Variants in SPATC1 observed in about 807,000 individuals in gnomAD.
The protein encoded by SPATC1 is speriolin.
A neutral mutation model predicts 36.5 loss-of-function variants in SPATC1; 35 were observed. The observed-to-expected ratio is 0.96, with a 90% CI of 0.73 to 1.27. The LOEUF (loss-of-function observed/expected upper bound fraction) is 1.27. Among genes scored for constraint, SPATC1 ranks in the 50% most tolerant of loss-of-function variants. SPATC1 has a pLI of 0.00. For missense variants in SPATC1, 779 were observed against 796.0 expected, an observed-to-expected ratio of 0.98 and a Z score of 0.26; for synonymous variants, 361 against 353.6, an observed-to-expected ratio of 1.02 and a Z score of -0.24.
At chr8:144,043,648 T>G (rs1211915073) in intron 4 of SPATC1, among the ~76,000 whole-genome samples, 1 of 152,076 alleles carries the variant, frequency 6.6e-6, no homozygotes, top group African/African-American at 2.4e-5. Context: ...AGTGCTGGGA[T>G]TCCAGGTACG....
intron 1 of SPATC1, among the ~76,000 whole-genome samples, chr8:144,015,040 A>C (rs1348975403): frequency 1.3e-5 from 2 of 151,812 alleles, no homozygotes; most frequent in African/African-American, 2.4e-5. Flanking sequence ...TAAATATTTA[A>C]AATTTTTTTT....
chr8:144,040,577 C>T lies in SPATC1; in HGVS notation c.776C>T (p.Ser259Phe). The change falls in exon 3 of 5, where the codon TCC (serine) becomes TTC (phenylalanine). Residue 259 changes from serine (S) to phenylalanine (F), a missense_variant. Transcript: ENST00000377470. ...VPTATTKVPL[S>F]TEPPQSTQDP... ...CCCTCCACATCACTAGTCCCACTCT[C>T]CACTGAGCCCCCCCAGTCGACCCAG... 6.3e-7 allele frequency: 1 copy of T among 1,592,966 alleles called. No individual in the cohort carries two copies. The highest frequency in any genetic ancestry group is 8.5e-7 in the Non-Finnish European group (1 of 1,169,718).
intron 1 of SPATC1, among the ~76,000 whole-genome samples, chr8:144,021,045 CA>C (rs1325838820): frequency 0.99 from 12,811 of 12,902 alleles, 6,367 homozygotes; most frequent in Middle Eastern, 1. Context: ...TCAGGACTCT[CA>C]TTCCCTCAAG....
At chr8:144,028,014 A>G (rs1253223186) in intron 1 of SPATC1, among the ~76,000 whole-genome samples, 1 of 152,120 alleles carries the variant, frequency 6.6e-6, no homozygotes, top group African/African-American at 2.4e-5. Flanking sequence ...TTATTTTATC[A>G]ATTGAAACTC....
chr8:144,033,802 C>G (rs1834845163), intron 1 of SPATC1, among the ~76,000 whole-genome samples: 1 of 152,282 alleles, frequency 6.6e-6, no homozygotes, highest in African/African-American at 2.4e-5. Flanking sequence ...TGGCTTTTCT[C>G]AGTCCATGCT....
chr8:144,013,139 C>T (rs782056528), intron 1 of SPATC1, among the ~76,000 whole-genome samples: 9 of 152,266 alleles, frequency 5.9e-5, no homozygotes, highest in Admixed American at 1.3e-4. Context: ...TGCTCTAGAA[C>T]GGTCACAAGT....
intron 1 of SPATC1, 169 bp downstream of exon 1, chr8:144,012,895 G>A (rs1313709109): frequency 6.7e-6 from 5 of 747,398 alleles, no homozygotes; most frequent in East Asian, 2.7e-5. Flanking sequence ...TGTCCTGGAG[G>A]AGGCTGCATT....
At chr8:144,026,687 A>G (rs1834683935) in intron 1 of SPATC1, among the ~76,000 whole-genome samples, 1 of 151,806 alleles carries the variant, frequency 6.6e-6, no homozygotes, top group Non-Finnish European at 1.5e-5. Context: ...TTTGATTTGT[A>G]TTTCCTAATG....
chr8:144,025,109 CTCT>C (rs1196528113), intron 1 of SPATC1, among the ~76,000 whole-genome samples: 3 of 151,978 alleles, frequency 2.0e-5, no homozygotes, highest in Non-Finnish European at 2.9e-5. Flanking sequence ...CCTCAGGACC[CTCT>C]TCTTTGAGGA....
chr8:144,040,890 T>C lies in SPATC1; in HGVS notation c.1089T>C (p.His363=). The change falls in exon 3 of 5, where the codon CAT becomes CAC. Residue 363 remains histidine, a synonymous_variant. Coordinates refer to ENST00000377470, the MANE Select transcript of SPATC1 (RefSeq NM_198572.3). The part of the protein sequence containing the change: ...STTHIAQGAP[H]PPSRMHNSPT... The stretch of plus-strand genomic sequence containing the variant: ...CCCACATCGCCCAGGGTGCCCCCCA[T>C]CCCCCTTCCCGAATGCATAATTCCC... The C allele has an allele frequency of 6.9e-7, 1 of 1,447,794 alleles. No individual in the cohort carries two copies. Among genetic ancestry groups the C allele is most frequent in the Non-Finnish European group, 9.2e-7 (1 of 1,083,714 alleles). 89.7% of individuals were successfully genotyped at this position (1,447,794 alleles called of 1,614,324 possible).
In SPATC1 at chr8:144,046,123, G is replaced by T. The variant is rs1370613879; in HGVS notation, c.1447-504G>T. On this transcript the variant is annotated intron_variant, in intron 4 of 4. Coordinates refer to ENST00000377470, the MANE Select transcript of SPATC1 (RefSeq NM_198572.3). The surrounding 1 kb of genome is among the most constrained non-coding windows in gnomAD (Gnocchi z 6.6). ...GGGAGGAAAGGGAGTCCCCTAGGGGGTGTGCAGGCTAGAGGGTGCTGAGGA... is the reference window on the plus strand; with the variant it reads ...GGGAGGAAAGGGAGTCCCCTAGGGGTTGTGCAGGCTAGAGGGTGCTGAGGA... Among the ~76,000 whole-genome samples, 1 of 152,164 alleles carries T rather than the reference G, an allele frequency of 6.6e-6. No individual in the cohort carries two copies. Among genetic ancestry groups the T allele is most frequent in the African/African-American group, 2.4e-5 (1 of 41,430 alleles).
At chr8:144,026,494 ACT>A (rs1834680548) in intron 1 of SPATC1, among the ~76,000 whole-genome samples, 1 of 152,040 alleles carries the variant, frequency 6.6e-6, no homozygotes, top group Admixed American at 6.6e-5. Context: ...TCATATGGTA[ACT>A]CTATGTTCAA....
intron 1 of SPATC1, among the ~76,000 whole-genome samples, chr8:144,029,202 TAAAAAAAAAA>T (rs1165801794): frequency 0.025 from 700 of 28,158 alleles, 18 homozygotes; most frequent in African/African-American, 0.076. Flanking sequence ...ACCCCAGAAC[TAAAAAAAAAA>T]AAAAAAAAAA....
chr8:144,039,398 G>C (rs1462483281), intron 1 of SPATC1, among the ~76,000 whole-genome samples: 1 of 152,248 alleles, frequency 6.6e-6, no homozygotes, highest in Non-Finnish European at 1.5e-5. Context: ...GCCGGGCCAC[G>C]TGAGGCTCTG....
In SPATC1 at chr8:144,014,398, C is replaced by G. The variant is rs369217499; in HGVS notation, c.211+1672C>G. ...GAGAGGAGGAGGAGGAGAAGAAGAA[C>G]AAGAAGAAGAAGGAGGAGGAGGAGA... On this transcript the variant is annotated intron_variant, in intron 1 of 4. Coordinates refer to ENST00000377470, the MANE Select transcript of SPATC1 (RefSeq NM_198572.3). 1.7e-4 allele frequency among the ~76,000 whole-genome samples: 24 copies of G among 143,084 alleles called. 1 individual carries two copies. Among genetic ancestry groups the G allele is most frequent in the East Asian group, 4.2e-4 (2 of 4,708 alleles). The allele number at this position is 143,084 out of a possible 152,430, so 93.9% of individuals were successfully genotyped here. A position where few individuals can be genotyped will look rare whatever the true frequency, so the allele number is the denominator to read the frequency against.
chr8:144,014,997 C>T (rs149044933), intron 1 of SPATC1, among the ~76,000 whole-genome samples: 268 of 152,082 alleles, frequency 1.8e-3, no homozygotes, highest in Admixed American at 2.7e-3. Flanking sequence ...TCACAAGGAG[C>T]GGTGCTGTCA....
chr8:144,025,867 C>A (rs1320710496), intron 1 of SPATC1, among the ~76,000 whole-genome samples: 11 of 152,138 alleles, frequency 7.2e-5, no homozygotes, highest in African/African-American at 2.7e-4. Context: ...CATAAATGTG[C>A]CTTTTCTGCC....
chr8:144,027,657 T>C (rs1337797146), intron 1 of SPATC1, among the ~76,000 whole-genome samples: 2 of 152,314 alleles, frequency 1.3e-5, no homozygotes, highest in South Asian at 2.1e-4. Flanking sequence ...CATTCTTTTG[T>C]AACATGGATA....
At position 144,021,043 on chromosome 8, in the gene SPATC1, CT is replaced by C. The variant is rs1437454982; in HGVS notation, c.211+8318del. Among the ~76,000 whole-genome samples, 6 of 11,172 alleles carry C rather than the reference CT, an allele frequency of 5.4e-4. 2 individuals carry two copies. The highest frequency in any genetic ancestry group is 4.5e-4 in the Non-Finnish European group (2 of 4,426). 7.3% of individuals were successfully genotyped at this position (11,172 alleles called of 152,430 possible). A position where few individuals can be genotyped will look rare whatever the true frequency, so the allele number is the denominator to read the frequency against. ...CTGAAAACCTTCCCCCATCAGGACT[CT>C]CATTCCCTCAAGATCTTCTCCCCTG... On this transcript the variant is annotated intron_variant, in intron 1 of 4. Transcript: ENST00000377470.
Sources: allele counts gnomAD v4.1 joint callset (sites outside exome capture counted in the v4.1 genomes callset), GRCh38; gene constraint gnomAD v4.1.1; non-coding constraint Gnocchi (gnomAD v3.1); transcripts MANE v1.5; gene names NCBI Gene and HGNC (gene_info 2026-07-23, HGNC 2026-07-21).